WDR18: variants seen among roughly 807,000 people sequenced by gnomAD.
WDR18 encodes WD repeat-containing protein 18.
Under a neutral mutation model 49.6 loss-of-function variants are expected in WDR18, and 33 were observed. The observed-to-expected ratio is 0.67, with a 90% confidence interval of 0.50 to 0.89. The LOEUF (loss-of-function observed/expected upper bound fraction) is 0.89, where lower values mean the gene tolerates loss of function less well. Among genes scored for constraint, WDR18 ranks in the 40% least tolerant of loss-of-function variants. WDR18 has a pLI of 0.00. For synonymous variants in WDR18, 315 were observed against 263.6 expected (o/e 1.19, Z -1.89); for missense variants, 653 against 593.6 (o/e 1.10, Z -1.04).
chr19:987,185 A>G (rs892149650), intron 2 of WDR18, among the ~76,000 whole-genome samples: 9 of 152,228 alleles, frequency 5.9e-5, no homozygotes, highest in African/African-American at 2.2e-4. Flanking sequence ...TCTGCAAAAA[A>G]TAGAAAAATT....
rs200830437 is a variant in WDR18, at chr19:991,962, C to T, written c.939C>T (p.Val313=). The change falls in exon 8 of 10, where the codon GTC becomes GTT. Residue 313 remains valine, a synonymous_variant. Transcript: ENST00000585809. The part of the protein sequence containing the change: ...CIRTVALKGP[V]TNAAILLAPV... The stretch of plus-strand genomic sequence containing the variant: ...GACCTCCGCGCCCCCCAGGCCCAGT[C>T]ACCAATGCCGCCATCCTGCTGGCGC... 118 of 1,588,336 alleles carry T rather than the reference C, an allele frequency of 7.4e-5. No individual in the cohort carries two copies. In the African/African-American group the frequency reaches 1.3e-3, roughly 18 times the overall value.
chr19:992,467 G>A (rs1245146216), intron 8 of WDR18, among the ~76,000 whole-genome samples: 2 of 152,364 alleles, frequency 1.3e-5, no homozygotes, highest in East Asian at 3.9e-4. Flanking sequence ...GAGCCAAAAG[G>A]TTCACGTCTG....
intron 4 of WDR18, 155 bp from the exon 5 acceptor site, chr19:990,697 G>T (rs2038533250): frequency 8.6e-7 from 1 of 1,163,982 alleles, no homozygotes; most frequent in Admixed American, 3.0e-5. Flanking sequence ...ATGTCCCCTG[G>T]CCCCCAAGAC....
intron 1 of WDR18, among the ~76,000 whole-genome samples, chr19:985,275 C>T (rs1212124533): frequency 6.6e-6 from 1 of 152,276 alleles, no homozygotes; most frequent in South Asian, 2.1e-4. Context: ...AAGCGATTCT[C>T]GGGCCTCAGC....
chr19:989,909 C>T lies in WDR18; in HGVS notation c.455+14C>T, dbSNP rs1367113209. 1 of 1,593,254 alleles carries T rather than the reference C, an allele frequency of 6.3e-7. No homozygotes were observed. The highest frequency in any genetic ancestry group is 1.7e-5 in the Admixed American group (1 of 57,632). On this transcript the variant is annotated intron_variant, in intron 3 of 9. Transcript: ENST00000585809. ...GAGCCTCTGCAGGTAGCGCCTTGCG[C>T]ACTCAGGCCTGCACCTGGAACTGCA...
upstream of WDR18, among the ~76,000 whole-genome samples, chr19:983,076 T>A (rs2038434930): frequency 6.6e-6 from 1 of 152,152 alleles, no homozygotes; most frequent in African/African-American, 2.4e-5. Flanking sequence ...CGGGCGGAAA[T>A]CCCGACTTTT....
At chr19:990,454 T>G in intron 4 of WDR18, 90 bp downstream of exon 4, 1 of 1,418,864 alleles carries the variant, frequency 7.0e-7, no homozygotes. Context: ...CTCCTCCCGC[T>G]CCCTGCTGTC....
At position 989,913 on chromosome 19, in the gene WDR18, C is replaced by T. The variant is rs1471574796; in HGVS notation, c.455+18C>T. 1 of 1,580,570 alleles carries T rather than the reference C, an allele frequency of 6.3e-7. No homozygotes were observed. Among genetic ancestry groups the T allele is most frequent in the Admixed American group, 1.8e-5 (1 of 55,300 alleles). ...CTCTGCAGGTAGCGCCTTGCGCACT[C>T]AGGCCTGCACCTGGAACTGCACCCG... On this transcript the variant is annotated intron_variant, in intron 3 of 9. Transcript: ENST00000585809.
rs776347906 is a variant in WDR18, at chr19:989,810, G to C, written c.370G>C (p.Val124Leu). ...CATCCTGAGTCGACACTACCAGGAC[G>C]TCTCCTGCCTTCAGTTCACAGGGGA... ...LVILSRHYQD[V>L]SCLQFTGDSS... The change falls in exon 3 of 10, where the codon GTC becomes CTC. Residue 124 changes from valine (V) to leucine (L), a missense_variant. Coordinates refer to ENST00000585809, the MANE Select transcript of WDR18 (RefSeq NM_024100.4). 1 of 1,612,736 alleles carries C rather than the reference G, an allele frequency of 6.2e-7. No homozygotes were observed. The highest frequency in any genetic ancestry group is 1.7e-5 in the Admixed American group (1 of 59,984).
At chr19:993,560 C>A (rs2038588730) in intron 8 of WDR18, among the ~76,000 whole-genome samples, 1 of 152,214 alleles carries the variant, frequency 6.6e-6, no homozygotes, top group Non-Finnish European at 1.5e-5. Context: ...GACCTCTGAT[C>A]CCCCAGCAAC....
At chr19:989,333 C>T (rs1259865625) in intron 2 of WDR18, among the ~76,000 whole-genome samples, 3 of 152,056 alleles carry the variant, frequency 2.0e-5, no homozygotes, top group Non-Finnish European at 2.9e-5. Context: ...TAAGCTGCCA[C>T]CACCCTGGGT....
In WDR18 at chr19:984,667, G is replaced by A. The variant is rs2038456462; in HGVS notation, c.210+104G>A. 3 of 1,199,662 alleles carry A rather than the reference G, an allele frequency of 2.5e-6. No individual in the cohort carries two copies. In the African/African-American group the frequency reaches 4.8e-5, roughly 19 times the overall value. The allele number at this position is 1,199,662 out of a possible 1,614,324, so 74.3% of individuals were successfully genotyped here. ...TGCACCCTTAGTCGGAATTGGCGTG[G>A]GGAGGGGAGGTGGTCTCCGTTCGGG... On this transcript the variant is annotated intron_variant, in intron 1 of 9. Coordinates refer to ENST00000585809, the MANE Select transcript of WDR18 (RefSeq NM_024100.4).
At position 994,374 on chromosome 19, in the gene WDR18, G is replaced by A. The variant is rs752729846; in HGVS notation, c.*30G>A. On this transcript the variant is annotated 3_prime_UTR_variant, in exon 10 of 10. Coordinates refer to ENST00000585809, the MANE Select transcript of WDR18 (RefSeq NM_024100.4). The stretch of plus-strand genomic sequence containing the variant: ...CGGAGACCCCGGCCCGAGGCGCCCA[G>A]GCCTGAGCCCCATGCCTCCCAGCAA... The A allele has an allele frequency of 1.3e-6, 2 of 1,584,562 alleles. No individual in the cohort carries two copies. Among genetic ancestry groups the A allele is most frequent in the Non-Finnish European group, 1.7e-6 (2 of 1,167,750 alleles).
At chr19:993,024 C>T (rs1053688205) in intron 8 of WDR18, among the ~76,000 whole-genome samples, 3 of 152,234 alleles carry the variant, frequency 2.0e-5, no homozygotes, top group African/African-American at 2.4e-5. Context: ...CATGGAGTGA[C>T]ACTCTGTTTT....
At chr19:987,715 ATG>A (rs1407606420) in intron 2 of WDR18, among the ~76,000 whole-genome samples, 1 of 151,694 alleles carries the variant, frequency 6.6e-6, no homozygotes, top group Non-Finnish European at 1.5e-5. Flanking sequence ...TAGGAATTAA[ATG>A]TGTCATCGCC....
chr19:991,804 GT>G, intron 7 of WDR18, 150 bp from the exon 8 acceptor site: 1 of 834,810 alleles, frequency 1.2e-6, no homozygotes, highest in African/African-American at 2.2e-5. Context: ...GCGTGGACTG[GT>G]CGTGGGGCGG....
intron 1 of WDR18, among the ~76,000 whole-genome samples, chr19:985,595 G>A (rs1022779080): frequency 6.6e-6 from 1 of 152,134 alleles, no homozygotes; most frequent in Non-Finnish European, 1.5e-5. Context: ...GATCCTCTTT[G>A]TTCTGTTCCT....
intron 7 of WDR18, 126 bp from the exon 8 acceptor site, chr19:991,829 G>T: frequency 9.4e-7 from 1 of 1,058,342 alleles, no homozygotes; most frequent in Non-Finnish European, 1.2e-6. Flanking sequence ...CTGGCTGGGG[G>T]CGTGGACTGG....
intron 2 of WDR18, among the ~76,000 whole-genome samples, chr19:988,115 C>T (rs1452218879): frequency 2.0e-5 from 3 of 151,842 alleles, no homozygotes; most frequent in African/African-American, 7.3e-5. Context: ...CAGGCGTGAG[C>T]CACTGCAGCT....
Sources: gnomAD v4.1 joint callset for allele counts (sites outside exome capture counted in the v4.1 genomes callset) on GRCh38, gnomAD v4.1.1 for gene constraint, MANE v1.5 for transcripts, NCBI Gene and HGNC (gene_info 2026-07-23, HGNC 2026-07-21) for gene names.